The following JAM3 variants were observed in gnomAD, a reference collection of about 807,000 sequenced individuals.
JAM3 encodes the protein junctional adhesion molecule C.
JAM3 carries 31 observed loss-of-function variants against 39.4 expected under a neutral mutation model. That is an observed-to-expected ratio of 0.79 (90% confidence interval 0.59 to 1.06). JAM3 has a LOEUF of 1.06. Ranked by LOEUF, JAM3 falls within the 50% of genes least tolerant of loss-of-function variation. JAM3 has a pLI of 0.00. For synonymous variants in JAM3, 182 were observed against 148.7 expected, an observed-to-expected ratio of 1.22 and a Z score of -1.63; for missense variants, 455 against 391.4, an observed-to-expected ratio of 1.16 and a Z score of -1.37.
At chr11:134,124,485 G>A (rs1446846628) in intron 1 of JAM3, among the ~76,000 whole-genome samples, 1 of 152,124 alleles carries the variant, frequency 6.6e-6, no homozygotes, top group Non-Finnish European at 1.5e-5. Flanking sequence ...TATTCCTTAT[G>A]AAGCTTCTGT....
intron 1 of JAM3, among the ~76,000 whole-genome samples, chr11:134,079,985 T>C (rs1941638119): frequency 6.6e-6 from 1 of 151,308 alleles, no homozygotes; most frequent in Non-Finnish European, 1.5e-5. Context: ...GTTTGTTTTG[T>C]TTTGTTCTTT....
Position 134,141,440 on chromosome 11 carries a change from G to A in JAM3, c.256+670G>A, listed in dbSNP as rs144815859. On this transcript the variant is annotated intron_variant, in intron 3 of 8. Coordinates refer to ENST00000299106, the MANE Select transcript of JAM3 (RefSeq NM_032801.5). ...CCCCACTGTTGCCGGTACATGGACA[G>A]GGAGAGAGGGAGGAGAGGGGGGAGA... is the stretch of plus-strand genomic sequence containing the variant. Among the ~76,000 whole-genome samples, 1,328 of 151,984 alleles carry A rather than the reference G, an allele frequency of 8.7e-3. 20 individuals carry two copies. The highest frequency in any genetic ancestry group is 0.03 in the African/African-American group (1,231 of 41,318).
chr11:134,086,726 A>G (rs1345010888), intron 1 of JAM3, among the ~76,000 whole-genome samples: 1 of 152,170 alleles, frequency 6.6e-6, no homozygotes, highest in African/African-American at 2.4e-5. Flanking sequence ...ACGTAAATAG[A>G]TAGGGCTCCA....
intron 1 of JAM3, among the ~76,000 whole-genome samples, chr11:134,104,555 T>A (rs977039935): frequency 6.6e-6 from 1 of 151,874 alleles, no homozygotes; most frequent in Non-Finnish European, 1.5e-5. Context: ...TTCAAAAAAA[T>A]CAATGAATCC....
rs78171745 is a variant in JAM3, at chr11:134,073,420, A to G, written c.76+4261A>G. ...CATTATCTTTCATTTGCAGTTTCCC[A>G]AGGTTTCTATGGTTCAGCCTTCTTC... On this transcript the variant is annotated intron_variant, in intron 1 of 8. Coordinates refer to ENST00000299106, the MANE Select transcript of JAM3 (RefSeq NM_032801.5). Among the ~76,000 whole-genome samples the G allele has an allele frequency of 9.9e-3, 1,509 of 152,306 alleles. 21 individuals are homozygous for G. Among genetic ancestry groups the G allele is most frequent in the African/African-American group, 0.034 (1,415 of 41,558 alleles).
chr11:134,110,150 A>G (rs938462890), intron 1 of JAM3, among the ~76,000 whole-genome samples: 4 of 152,364 alleles, frequency 2.6e-5, no homozygotes, highest in South Asian at 4.1e-4. Flanking sequence ...GACAAAAACT[A>G]AAAAGATTGA....
At chr11:134,076,040 C>CAG (rs71479582) in intron 1 of JAM3, among the ~76,000 whole-genome samples, 66,565 of 151,238 alleles carry the variant, frequency 0.44, 17,282 homozygotes, top group African/African-American at 0.74. Flanking sequence ...AATCAATACA[C>CAG]AGTTTTTCCA....
intron 1 of JAM3, among the ~76,000 whole-genome samples, chr11:134,105,521 G>A (rs886362796): frequency 2.0e-4 from 31 of 152,106 alleles, no homozygotes; most frequent in Non-Finnish European, 4.1e-4. Context: ...GCAGGAGAAA[G>A]AAATAAAGGG....
chr11:134,090,978 CTGT>C (rs1374168041), intron 1 of JAM3, among the ~76,000 whole-genome samples: 2 of 152,194 alleles, frequency 1.3e-5, no homozygotes, highest in Non-Finnish European at 2.9e-5. Flanking sequence ...TCTATTCCTC[CTGT>C]TAAGTACATT....
intron 3 of JAM3, among the ~76,000 whole-genome samples, chr11:134,143,816 A>C (rs754443558): frequency 1.3e-5 from 2 of 152,194 alleles, no homozygotes; most frequent in Non-Finnish European, 1.5e-5. Context: ...CTCCTATGTT[A>C]GGTCTTTGTT....
At chr11:134,106,444 C>T (rs1293650493) in intron 1 of JAM3, among the ~76,000 whole-genome samples, 7 of 152,082 alleles carry the variant, frequency 4.6e-5, no homozygotes, top group African/African-American at 1.2e-4. Flanking sequence ...TGGGCAAGGA[C>T]TTCATGTCTA....
At chr11:134,103,344 C>A (rs1259978533) in intron 1 of JAM3, among the ~76,000 whole-genome samples, 4 of 152,106 alleles carry the variant, frequency 2.6e-5, no homozygotes, top group South Asian at 2.1e-4. Context: ...GCCTGCCCTA[C>A]AAGAGCTCCT....
intron 1 of JAM3, 127 bp downstream of exon 1, chr11:134,069,286 C>A: frequency 2.3e-6 from 3 of 1,323,652 alleles, no homozygotes; most frequent in South Asian, 1.3e-5. Flanking sequence ...CCCGGGGTCC[C>A]GGGCCGGAGG....
At chr11:134,094,217 C>G (rs546667860) in intron 1 of JAM3, among the ~76,000 whole-genome samples, 1,790 of 130,636 alleles carry the variant, frequency 0.014, 4 homozygotes, top group Middle Eastern at 0.033. Flanking sequence ...CATGTCACTT[C>G]CTGAGGGAAG....
rs114365266 is a variant in JAM3 at position 134,151,134 on chromosome 11, C to A, written c.*1953C>A. 6.6e-6 allele frequency: 1 copy of A among 152,268 alleles called. No homozygotes were observed. The highest frequency in any genetic ancestry group is 2.4e-5 in the African/African-American group (1 of 41,456). 9.4% of individuals were successfully genotyped at this position (152,268 alleles called of 1,614,324 possible). On this transcript the variant is annotated 3_prime_UTR_variant, in exon 9 of 9. Coordinates refer to ENST00000299106, the MANE Select transcript of JAM3 (RefSeq NM_032801.5). ...CACTGTGTGCCTGGAGAATGGCTCT[C>A]ACTACTCACCTTGTCTTTCAGCTTC...
chr11:134,100,158 C>T (rs944175702), intron 1 of JAM3, among the ~76,000 whole-genome samples: 7 of 152,038 alleles, frequency 4.6e-5, no homozygotes, highest in Non-Finnish European at 1.5e-5. Context: ...GTGAATCCCC[C>T]TTTCCTCCTT....
chr11:134,144,037 T>G (rs1475945500), intron 3 of JAM3, among the ~76,000 whole-genome samples: 1 of 152,184 alleles, frequency 6.6e-6, no homozygotes, highest in Non-Finnish European at 1.5e-5. Flanking sequence ...CACCAGGAAC[T>G]ATTTTTGGTG....
intron 1 of JAM3, among the ~76,000 whole-genome samples, chr11:134,069,724 A>T (rs1941457629): frequency 6.6e-6 from 1 of 152,178 alleles, no homozygotes; most frequent in African/African-American, 2.4e-5. Flanking sequence ...TGTGCTCTCC[A>T]GAAGGGACGG....
At chr11:134,084,340 G>C (rs1225079633) in intron 1 of JAM3, among the ~76,000 whole-genome samples, 1 of 152,194 alleles carries the variant, frequency 6.6e-6, no homozygotes, top group African/African-American at 2.4e-5. Context: ...ACCGAGGTTT[G>C]AATCTCATCT....
Sources: gnomAD v4.1 joint callset for allele counts (sites outside exome capture counted in the v4.1 genomes callset) on GRCh38, gnomAD v4.1.1 for gene constraint, MANE v1.5 for transcripts, NCBI Gene and HGNC (gene_info 2026-07-23, HGNC 2026-07-21) for gene names.